The following GLI3 variants were observed in gnomAD, a reference collection of about 807,000 sequenced individuals.
GLI3 encodes the protein transcription activator GLI3.
Under a neutral mutation model 100.8 loss-of-function variants are expected in GLI3, and 20 were observed. The observed-to-expected ratio is 0.20, with a 90% CI of 0.14 to 0.29. The LOEUF (loss-of-function observed/expected upper bound fraction) is 0.29, where lower values mean the gene tolerates loss of function less well. Ranked by LOEUF, GLI3 falls within the 10% of genes least tolerant of loss-of-function variation. The pLI is 1.00. For synonymous variants in GLI3, 938 were observed against 860.5 expected (o/e 1.09, Z -1.58); for missense variants, 2,040 against 2,128.5 (o/e 0.96, Z 0.82).
intron 7 of GLI3, among the ~76,000 whole-genome samples, chr7:42,031,902 CAA>C (rs1305498605): frequency 6.6e-6 from 1 of 152,138 alleles, no homozygotes; most frequent in East Asian, 1.9e-4. Flanking sequence ...ATAAAATTAT[CAA>C]AGTCTGAATC....
At chr7:42,062,373 G>A (rs2237419) in intron 4 of GLI3, among the ~76,000 whole-genome samples, 39,691 of 151,892 alleles carry the variant, frequency 0.26, 5,326 homozygotes, top group South Asian at 0.32. Context: ...TTCCTTTCTC[G>A]AGAATAGCAT....
intron 1 of GLI3, among the ~76,000 whole-genome samples, chr7:42,244,300 T>C (rs1788951650): frequency 1.3e-5 from 2 of 152,112 alleles, no homozygotes; most frequent in Non-Finnish European, 2.9e-5. Context: ...TTATTTGAAA[T>C]AACAATGAAA....
At chr7:42,092,278 C>T (rs964214445) in intron 3 of GLI3, among the ~76,000 whole-genome samples, 1 of 152,164 alleles carries the variant, frequency 6.6e-6, no homozygotes, top group South Asian at 2.1e-4. Flanking sequence ...TCCCCTACCC[C>T]GGTGAAAATA....
At chr7:42,079,260 T>C (rs190886570) in intron 3 of GLI3, among the ~76,000 whole-genome samples, 6 of 152,326 alleles carry the variant, frequency 3.9e-5, no homozygotes, top group Non-Finnish European at 7.3e-5. Context: ...CCACCCTCTG[T>C]AGAGCCAAAC....
chr7:42,236,902 G>A (rs903534145), intron 1 of GLI3, 69 bp downstream of exon 1: 12 of 152,200 alleles, frequency 7.9e-5, no homozygotes, highest in African/African-American at 2.9e-4. Context: ...TCTGGCCCCG[G>A]AGGCGCGGGC....
intron 3 of GLI3, among the ~76,000 whole-genome samples, chr7:42,095,442 GA>G (rs1020974213): frequency 8.5e-4 from 129 of 152,306 alleles, no homozygotes; most frequent in African/African-American, 3.0e-3. Flanking sequence ...GTAACATGGA[GA>G]ATGGGTTGGA....
Position 42,095,509 on chromosome 7 carries a change from A to C in GLI3, c.368-18652T>G, listed in dbSNP as rs1277639853. 3.3e-5 allele frequency among the ~76,000 whole-genome samples: 5 copies of C among 152,200 alleles called. 1 individual carries two copies. Among genetic ancestry groups the C allele is most frequent in the African/African-American group, 4.8e-5 (2 of 41,462 alleles). On this transcript the variant is annotated intron_variant, in intron 3 of 14. Transcript: ENST00000395925. Reference sequence around the variant, plus strand: ...ATGTAAAGACTCAAAAAACCAAGGCAGGGCAGTGGAAGGGAAATGAATGGG... The same window carrying C: ...ATGTAAAGACTCAAAAAACCAAGGCCGGGCAGTGGAAGGGAAATGAATGGG...
intron 3 of GLI3, among the ~76,000 whole-genome samples, chr7:42,080,428 T>C (rs1188196899): frequency 1.3e-5 from 2 of 152,236 alleles, no homozygotes; most frequent in Non-Finnish European, 2.9e-5. Context: ...TATGATCTGA[T>C]TTGACCAAAG....
chr7:42,152,249 C>G, intron 2 of GLI3: 1 of 236,622 alleles, frequency 4.2e-6, no homozygotes, highest in South Asian at 1.5e-4. Flanking sequence ...CCCCTTTTCC[C>G]ACTTAACATT....
chr7:42,221,476 CCACCCA>C (rs1287878315), intron 2 of GLI3, among the ~76,000 whole-genome samples: 2 of 152,086 alleles, frequency 1.3e-5, no homozygotes, highest in Non-Finnish European at 2.9e-5. Flanking sequence ...GTTACCTCTA[CCACCCA>C]CACCCACACA....
chr7:42,035,426 C>T (rs1583497046), intron 7 of GLI3, among the ~76,000 whole-genome samples: 1 of 152,166 alleles, frequency 6.6e-6, no homozygotes, highest in East Asian at 1.9e-4. Flanking sequence ...TCAGGCTGAG[C>T]TCATCAGTGT....
intron 3 of GLI3, among the ~76,000 whole-genome samples, chr7:42,097,837 A>G (rs1024218192): frequency 6.6e-6 from 1 of 152,108 alleles, no homozygotes; most frequent in African/African-American, 2.4e-5. Flanking sequence ...CGACACCCCT[A>G]GTGGACAGAT....
intron 6 of GLI3, among the ~76,000 whole-genome samples, chr7:42,042,231 G>A (rs984889455): frequency 1.3e-5 from 2 of 151,960 alleles, no homozygotes; most frequent in Non-Finnish European, 2.9e-5. Flanking sequence ...GGCCAGGATG[G>A]TCTCGATCTC....
intron 2 of GLI3, among the ~76,000 whole-genome samples, chr7:42,169,379 T>C (rs1787314284): frequency 6.6e-6 from 1 of 152,062 alleles, no homozygotes. Flanking sequence ...AAATGAAAAA[T>C]AGTTGTATTT....
chr7:42,076,763 A>G lies in GLI3; in HGVS notation c.462T>C (p.Pro154=). 6.3e-7 allele frequency: 1 copy of G among 1,582,262 alleles called. No homozygotes were observed. ...GRYHYDPSPI[P]PLHMTSALSS... is the part of the protein sequence containing the mutation. ...GTGTTAATACTTACATATGCAATGGAGGAATCGGAGATGGATCGTAATGGT... is the reference window on the plus strand; with the variant it reads ...GTGTTAATACTTACATATGCAATGGGGGAATCGGAGATGGATCGTAATGGT... The change falls in exon 4 of 15, where the codon CCT becomes CCC. Residue 154 remains proline, a synonymous_variant. Transcript: ENST00000395925.
chr7:42,244,828 A>C (rs1475632359), intron 1 of GLI3, among the ~76,000 whole-genome samples: 1 of 152,260 alleles, frequency 6.6e-6, no homozygotes, highest in Admixed American at 6.5e-5. Context: ...CCCAAATAAG[A>C]GAGACTTGGT....
Position 41,964,909 on chromosome 7 carries a change from G to C in GLI3, c.4164C>G (p.Ser1388Arg). Reference sequence around the variant, plus strand: ...TAGCCTGGCGCCTGCTGCCCCCAAAGCTGGCACATGGCTGGTAGCCCCTGA... The same window carrying C: ...TAGCCTGGCGCCTGCTGCCCCCAAACCTGGCACATGGCTGGTAGCCCCTGA... ...AVVRGYQPCA[S>R]FGGSRRQAMP... Residue 1388 changes from serine to arginine, a missense_variant, in exon 15 of 15, where the codon AGC (serine) becomes AGG (arginine). Physicochemically the swap from Ser to Arg is moderately radical, Grantham distance 110. Transcript: ENST00000395925. 1.2e-6 allele frequency: 2 copies of C among 1,613,802 alleles called. No homozygotes were observed. Among genetic ancestry groups the C allele is most frequent in the African/African-American group, 1.3e-5 (1 of 75,068 alleles).
intron 2 of GLI3, among the ~76,000 whole-genome samples, chr7:42,156,624 G>T (rs1194754937): frequency 6.6e-6 from 1 of 152,202 alleles, no homozygotes; most frequent in African/African-American, 2.4e-5. Flanking sequence ...CAGAAGGCCA[G>T]AGTGTCCAGG....
At chr7:42,036,218 A>T (rs905266437) in intron 7 of GLI3, among the ~76,000 whole-genome samples, 4 of 152,218 alleles carry the variant, frequency 2.6e-5, no homozygotes, top group Non-Finnish European at 4.4e-5. Flanking sequence ...CTGGCTCTGT[A>T]TCTATCAATC....
Sources: gnomAD v4.1 joint callset for allele counts (sites outside exome capture counted in the v4.1 genomes callset) on GRCh38, gnomAD v4.1.1 for gene constraint, MANE v1.5 for transcripts, NCBI Gene and HGNC (gene_info 2026-07-23, HGNC 2026-07-21) for gene names.